Variants in RBFOX1 observed in about 807,000 individuals in gnomAD.
RBFOX1 encodes the protein RNA binding protein fox-1 homolog 1.
Under a neutral mutation model 57.7 loss-of-function variants are expected in RBFOX1, and 8 were observed. The observed-to-expected ratio is 0.14, with a 90% CI of 0.08 to 0.25. The LOEUF is 0.25. Ranked by LOEUF, RBFOX1 falls within the 10% of genes least tolerant of loss-of-function variation. The probability of loss-of-function intolerance (pLI) is 1.00; values close to 1 mark genes in which losing one functional copy is unlikely to be tolerated. For missense variants in RBFOX1, 611 were observed against 548.5 expected (o/e 1.11, Z -1.14); for synonymous variants, 326 against 222.4 (o/e 1.47, Z -4.15).
At chr16:6,821,273 C>G (rs765875179) in intron 3 of RBFOX1, among the ~76,000 whole-genome samples, 13 of 152,176 alleles carry the variant, frequency 8.5e-5, no homozygotes, top group Non-Finnish European at 1.3e-4. Context: ...AGGGCTATCA[C>G]CTGGGTCTGT....
intron 1 of RBFOX1, among the ~76,000 whole-genome samples, chr16:6,269,746 C>G (rs935723962): frequency 1.3e-5 from 2 of 152,016 alleles, no homozygotes; most frequent in Non-Finnish European, 2.9e-5. Flanking sequence ...AAGAAATTTT[C>G]TAAACAGAAA....
chr16:6,416,346 A>G (rs928186834), intron 2 of RBFOX1, among the ~76,000 whole-genome samples: 2 of 152,174 alleles, frequency 1.3e-5, no homozygotes, highest in African/African-American at 4.8e-5. Context: ...GATTATCAAA[A>G]TATCTATTCT....
chr16:5,939,879 G>A (rs966529776), intron 4 of RBFOX1, among the ~76,000 whole-genome samples: 1 of 152,134 alleles, frequency 6.6e-6, no homozygotes, highest in Non-Finnish European at 1.5e-5. Context: ...CAGTGTGGTG[G>A]GATGAAAGTG....
At chr16:6,440,286 A>G (rs1188597053) in intron 2 of RBFOX1, among the ~76,000 whole-genome samples, 1 of 152,128 alleles carries the variant, frequency 6.6e-6, no homozygotes, top group Non-Finnish European at 1.5e-5. Flanking sequence ...GGTACATGGC[A>G]TGAAATAGGA....
chr16:7,302,110 A>C (rs182239190), intron 4 of RBFOX1, among the ~76,000 whole-genome samples: 5 of 152,242 alleles, frequency 3.3e-5, no homozygotes. Context: ...CCCTGGATGA[A>C]CTTCTGCCTA....
At chr16:5,555,255 T>G (rs928686498) in intron 2 of RBFOX1, among the ~76,000 whole-genome samples, 12 of 152,022 alleles carry the variant, frequency 7.9e-5, no homozygotes, top group African/African-American at 2.9e-4. Context: ...TTATTATTAT[T>G]ATTTTTATTA....
chr16:7,570,806 A>G (rs893351122), intron 5 of RBFOX1, among the ~76,000 whole-genome samples: 6 of 152,228 alleles, frequency 3.9e-5, no homozygotes, highest in African/African-American at 1.2e-4. Flanking sequence ...CTGCAGCACT[A>G]TTCACAATAG....
At chr16:5,990,440 G>C (rs183940748) in intron 4 of RBFOX1, among the ~76,000 whole-genome samples, 10 of 152,296 alleles carry the variant, frequency 6.6e-5, no homozygotes, top group African/African-American at 2.4e-4. Context: ...ATTCACATTC[G>C]AGGATCCCCA....
intron 3 of RBFOX1, among the ~76,000 whole-genome samples, chr16:6,778,561 TA>T (rs2079783407): frequency 6.6e-6 from 1 of 152,122 alleles, no homozygotes; most frequent in South Asian, 2.1e-4. Context: ...CCAGTTATCT[TA>T]CATATTTATA....
rs117218905 is a variant in RBFOX1 at position 7,115,265 on chromosome 16, G to T, written c.27+63167G>T. Among the ~76,000 whole-genome samples the T allele has an allele frequency of 2.6e-5, 4 of 152,210 alleles. No homozygotes were observed. In the East Asian group the frequency reaches 7.7e-4, roughly 29 times the overall value. ...CAATGAATCTTGATGGTGGCCTCCGGTCACTCATGGAAAAATGTATTTTTG... is the reference window on the plus strand; with the variant it reads ...CAATGAATCTTGATGGTGGCCTCCGTTCACTCATGGAAAAATGTATTTTTG... On this transcript the variant is annotated intron_variant, in intron 4 of 15. Coordinates refer to ENST00000550418, the MANE Select transcript of RBFOX1 (RefSeq NM_018723.4).
At chr16:5,976,714 C>A (rs1160257172) in intron 4 of RBFOX1, among the ~76,000 whole-genome samples, 1 of 152,086 alleles carries the variant, frequency 6.6e-6, no homozygotes, top group Non-Finnish European at 1.5e-5. Flanking sequence ...ACTAAAAATA[C>A]AAAAATTCTC....
chr16:6,005,378 A>G (rs1381543720), intron 4 of RBFOX1, among the ~76,000 whole-genome samples: 3 of 152,216 alleles, frequency 2.0e-5, no homozygotes, highest in South Asian at 4.1e-4. Flanking sequence ...AGCATCTGCT[A>G]TGGGCCAGGC....
intron 1 of RBFOX1, among the ~76,000 whole-genome samples, chr16:5,322,226 C>G (rs1337838324): frequency 6.6e-6 from 1 of 152,172 alleles, no homozygotes; most frequent in Non-Finnish European, 1.5e-5. Context: ...GTAATAAACA[C>G]AAAACTAGAA....
intron 4 of RBFOX1, among the ~76,000 whole-genome samples, chr16:7,383,827 C>T (rs937364311): frequency 6.6e-5 from 10 of 152,080 alleles, no homozygotes; most frequent in South Asian, 6.2e-4. Context: ...GAGGCCGAGG[C>T]GGGCAGATCA....
chr16:6,810,732 C>T (rs2154266110), intron 3 of RBFOX1, among the ~76,000 whole-genome samples: 1 of 152,202 alleles, frequency 6.6e-6, no homozygotes, highest in Non-Finnish European at 1.5e-5. Flanking sequence ...ATACCTTCTT[C>T]ACAGGGCAGC....
At chr16:5,730,690 A>G (rs1200575332) in intron 3 of RBFOX1, among the ~76,000 whole-genome samples, 1 of 151,738 alleles carries the variant, frequency 6.6e-6, no homozygotes, top group Non-Finnish European at 1.5e-5. Flanking sequence ...CAATGTCACC[A>G]CCATCATTAT....
At chr16:6,933,763 G>C (rs965559195) in intron 3 of RBFOX1, among the ~76,000 whole-genome samples, 1 of 152,192 alleles carries the variant, frequency 6.6e-6, no homozygotes, top group Non-Finnish European at 1.5e-5. Flanking sequence ...TGGGGAAGAA[G>C]TATGGTCAGA....
intron 3 of RBFOX1, among the ~76,000 whole-genome samples, chr16:6,722,968 A>G (rs1485622177): frequency 2.0e-5 from 3 of 152,150 alleles, no homozygotes; most frequent in East Asian, 1.9e-4. Context: ...GAGTTCTGCA[A>G]GTGATGGTAT....
intron 3 of RBFOX1, among the ~76,000 whole-genome samples, chr16:6,966,781 A>ATCTGTCTG (rs1214517275): frequency 5.0e-5 from 3 of 59,762 alleles, no homozygotes; most frequent in African/African-American, 1.3e-4. Context: ...CTATCTATCT[A>ATCTGTCTG]TCTATCTATC....
Sources: allele counts gnomAD v4.1 joint callset (sites outside exome capture counted in the v4.1 genomes callset), GRCh38; gene constraint gnomAD v4.1.1; transcripts MANE v1.5; gene names NCBI Gene and HGNC (gene_info 2026-07-23, HGNC 2026-07-21).